PRKX: variants seen among roughly 807,000 people sequenced by gnomAD.
PRKX encodes cAMP-dependent protein kinase catalytic subunit PRKX.
PRKX carries 12 observed loss-of-function variants against 22.0 expected under a neutral mutation model. That is an observed-to-expected ratio of 0.54 (90% CI 0.35 to 0.88). The LOEUF (loss-of-function observed/expected upper bound fraction) is 0.88. PRKX is among the 40% of genes least tolerant of loss of function. The pLI, the probability that PRKX is intolerant of heterozygous loss-of-function variation, is 0.01. For missense variants in PRKX, 217 were observed against 308.0 expected (o/e 0.70, Z 2.21); for synonymous variants, 134 against 137.7 (o/e 0.97, Z 0.19).
intron 3 of PRKX, among the ~76,000 whole-genome samples, chrX:3,652,321 G>A (rs1038975923): frequency 9.1e-6 from 1 of 110,491 alleles, no homozygotes; most frequent in Non-Finnish European, 1.9e-5. Flanking sequence ...GGGGGGCTGA[G>A]GCAGGAGAAT....
intron 1 of PRKX, among the ~76,000 whole-genome samples, chrX:3,693,489 T>G (rs1306681448): frequency 6.3e-5 from 7 of 110,663 alleles, no homozygotes; most frequent in African/African-American, 2.3e-4. Flanking sequence ...AGGGGTCTTT[T>G]GGGTTGCTTT....
chrX:3,685,684 A>C (rs1406006415), intron 1 of PRKX, among the ~76,000 whole-genome samples: 1 of 110,337 alleles, frequency 9.1e-6, no homozygotes, highest in Non-Finnish European at 1.9e-5. Context: ...ATTTTGTTGT[A>C]TGTACACCGG....
intron 1 of PRKX, among the ~76,000 whole-genome samples, chrX:3,675,478 T>G (rs1927933685): frequency 9.0e-6 from 1 of 110,574 alleles, no homozygotes. Context: ...CTCTTTTTTC[T>G]CTTCCTCAAT....
Position 3,626,656 on chromosome X carries a change from C to T in PRKX, c.720-142G>A, listed in dbSNP as rs1000138824. The T allele has an allele frequency of 1.1e-5, 6 of 522,935 alleles. No homozygotes were observed. The South Asian group carries it at 1.2e-4, about 10-fold the overall frequency. The allele number at this position is 522,935 out of a possible 1,213,427, so 43.1% of individuals were successfully genotyped here. ...TCTTCCCCGCACACTGAAGTTGTCACGATCTGAAAGCACGTGACAGTCAGA... is the reference window on the plus strand; with the variant it reads ...TCTTCCCCGCACACTGAAGTTGTCATGATCTGAAAGCACGTGACAGTCAGA... On this transcript the variant is annotated intron_variant, in intron 4 of 8. Transcript: ENST00000262848.
chrX:3,689,845 C>T (rs1000306231), intron 1 of PRKX, among the ~76,000 whole-genome samples: 1 of 111,064 alleles, frequency 9.0e-6, no homozygotes, highest in Non-Finnish European at 1.9e-5. Context: ...AGTGTGGTGG[C>T]GGAAGCCTGT....
At chrX:3,619,775 T>C (rs1879439274) in intron 6 of PRKX, among the ~76,000 whole-genome samples, 1 of 111,073 alleles carries the variant, frequency 9.0e-6, no homozygotes, top group Non-Finnish European at 1.9e-5. Flanking sequence ...GGTCAGTTCT[T>C]ATGGCAGCTA....
At chrX:3,646,816 C>T (rs1218506651) in intron 3 of PRKX, among the ~76,000 whole-genome samples, 1 of 110,651 alleles carries the variant, frequency 9.0e-6, no homozygotes, top group Non-Finnish European at 1.9e-5. Flanking sequence ...GGACAGCTTC[C>T]GATGGCCAGC....
At chrX:3,672,968 A>C (rs972232788) in intron 2 of PRKX, among the ~76,000 whole-genome samples, 4 of 111,567 alleles carry the variant, frequency 3.6e-5, no homozygotes, top group African/African-American at 1.3e-4. Context: ...CAGCCTGGGC[A>C]AGAAGGAGTG....
chrX:3,710,402 C>T (rs1194215990), intron 1 of PRKX, among the ~76,000 whole-genome samples: 1 of 112,231 alleles, frequency 8.9e-6, no homozygotes, highest in East Asian at 2.8e-4. Flanking sequence ...GTTTCTTTTT[C>T]TCTCTGTCGC....
intron 4 of PRKX, among the ~76,000 whole-genome samples, chrX:3,635,559 T>C (rs772288751): frequency 4.5e-5 from 5 of 111,107 alleles, no homozygotes; most frequent in African/African-American, 6.6e-5. Context: ...TGTGTGTCCC[T>C]GTGTTTTGTT....
chrX:3,693,715 A>G (rs1212488502), intron 1 of PRKX, among the ~76,000 whole-genome samples: 1 of 109,573 alleles, frequency 9.1e-6, no homozygotes, highest in Admixed American at 9.8e-5. Flanking sequence ...AGGCGGACGG[A>G]TCACGAGGTC....
intron 8 of PRKX, 34 bp downstream of exon 8, chrX:3,612,143 C>T: frequency 5.2e-6 from 6 of 1,161,904 alleles, no homozygotes; most frequent in Non-Finnish European, 6.9e-6. Flanking sequence ...GAGTCAGTCT[C>T]ATTTTTTGGG....
At chrX:3,618,100 C>G (rs28823946) in intron 6 of PRKX, among the ~76,000 whole-genome samples, 11,653 of 104,732 alleles carry the variant, frequency 0.11, 633 homozygotes, top group Middle Eastern at 0.19. Context: ...AAGCCAGGCA[C>G]AGATAGACAA....
chrX:3,625,291 G>A (rs769975708), intron 5 of PRKX, among the ~76,000 whole-genome samples: 32 of 111,585 alleles, frequency 2.9e-4, no homozygotes, highest in Non-Finnish European at 5.1e-4. Context: ...TCAACTGAAC[G>A]TAGCCAGTGG....
intron 2 of PRKX, chrX:3,659,431 T>G (rs1242654768): frequency 9.0e-6 from 1 of 111,628 alleles, no homozygotes; most frequent in Non-Finnish European, 1.9e-5. Flanking sequence ...GGTGGGGGAC[T>G]AATGACCCAC....
At chrX:3,651,104 C>CA (rs763580015) in intron 3 of PRKX, among the ~76,000 whole-genome samples, 14 of 85,150 alleles carry the variant, frequency 1.6e-4, no homozygotes, top group South Asian at 5.5e-4. Flanking sequence ...CAATGATGGT[C>CA]AAAAAAAAAA....
intron 1 of PRKX, among the ~76,000 whole-genome samples, chrX:3,697,553 C>CTT (rs1164690250): frequency 1.0e-5 from 1 of 98,394 alleles, no homozygotes; most frequent in Non-Finnish European, 2.0e-5. Context: ...TTTTTTTTTT[C>CTT]TTTTTTTTTT....
chrX:3,626,545 G>A (rs1926662468), intron 4 of PRKX, 31 bp from the exon 5 acceptor site: 2 of 1,070,018 alleles, frequency 1.9e-6, no homozygotes, highest in Middle Eastern at 2.5e-4. Context: ...TATTTTTAGT[G>A]GGGAGTAAGC....
At chrX:3,666,358 G>A (rs915145076) in intron 2 of PRKX, among the ~76,000 whole-genome samples, 3 of 110,420 alleles carry the variant, frequency 2.7e-5, no homozygotes, top group African/African-American at 9.9e-5. Context: ...GGGTCTCACT[G>A]TGTTAGCCAG....
Sources: gnomAD v4.1 joint callset for allele counts (sites outside exome capture counted in the v4.1 genomes callset) on GRCh38, gnomAD v4.1.1 for gene constraint, MANE v1.5 for transcripts, NCBI Gene and HGNC (gene_info 2026-07-23, HGNC 2026-07-21) for gene names.